The following TBC1D32 variants were observed in gnomAD, a reference collection of about 807,000 sequenced individuals.
The protein encoded by TBC1D32 is protein broad-minded.
Under a neutral mutation model 170.3 loss-of-function variants are expected in TBC1D32, and 151 were observed. That is an observed-to-expected ratio of 0.89 (90% CI 0.78 to 1.01). TBC1D32 has a LOEUF of 1.01. TBC1D32 is among the 50% of genes least tolerant of loss of function. The pLI, the probability that TBC1D32 is intolerant of heterozygous loss-of-function variation, is 0.00. For synonymous variants in TBC1D32, 498 were observed against 488.0 expected (o/e 1.02, Z -0.27); for missense variants, 1,464 against 1,457.1 (o/e 1.00, Z -0.08).
intron 31 of TBC1D32, among the ~76,000 whole-genome samples, chr6:121,084,863 T>C (rs896224009): frequency 6.6e-6 from 1 of 152,112 alleles, no homozygotes; most frequent in Non-Finnish European, 1.5e-5. Context: ...TTCTCTGATA[T>C]ATTCTTTCCC....
chr6:121,291,846 T>TA (rs552821046), intron 12 of TBC1D32, among the ~76,000 whole-genome samples: 3,486 of 150,312 alleles, frequency 0.023, 136 homozygotes, highest in East Asian at 0.12. Context: ...GAAGGAATAA[T>TA]AATAAAAAAA....
chr6:121,229,516 T>C (rs1369967152), intron 20 of TBC1D32, among the ~76,000 whole-genome samples: 1 of 152,124 alleles, frequency 6.6e-6, no homozygotes, highest in Non-Finnish European at 1.5e-5. Context: ...AACTGGCAGC[T>C]GAATCTAAAG....
At chr6:121,117,018 A>G (rs1779751143) in intron 26 of TBC1D32, among the ~76,000 whole-genome samples, 1 of 152,190 alleles carries the variant, frequency 6.6e-6, no homozygotes. Context: ...CCAGACTACT[A>G]AATAAGATTG....
Position 121,151,426 on chromosome 6 carries a change from T to C in TBC1D32, c.2773+8584A>G, listed in dbSNP as rs559660790. Among the ~76,000 whole-genome samples, 10 of 152,310 alleles carry C rather than the reference T, an allele frequency of 6.6e-5. No homozygotes were observed. In the East Asian group the frequency reaches 1.7e-3, roughly 26 times the overall value. Reference sequence around the variant, plus strand: ...GAGGAGTGTTTTACTTCTAATTATGTGGTTGATTTTAGAATAAGTGCTATG... The same window carrying C: ...GAGGAGTGTTTTACTTCTAATTATGCGGTTGATTTTAGAATAAGTGCTATG... On this transcript the variant is annotated intron_variant, in intron 24 of 31. Coordinates refer to ENST00000398212, the MANE Select transcript of TBC1D32 (RefSeq NM_152730.6).
chr6:121,134,019 C>T (rs1463409938), intron 24 of TBC1D32, among the ~76,000 whole-genome samples: 1 of 151,940 alleles, frequency 6.6e-6, no homozygotes, highest in African/African-American at 2.4e-5. Flanking sequence ...TTAAATGTAT[C>T]TTGACAAGAA....
At position 121,304,523 on chromosome 6, in the gene TBC1D32, T is replaced by A. The variant is rs1454189457; in HGVS notation, c.872A>T (p.Lys291Met). Reference protein sequence around the residue: ...TNPNMTRLLKKVRLLNEYQKE... With the variant: ...TNPNMTRLLKMVRLLNEYQKE... ...AAGCATATTGTAGTAAATGGATACC[T>A]TTTTAAGTAAGCGAGTCATATTAGG... The change falls in exon 7 of 32, where the codon AAG becomes ATG. Residue 291 changes from lysine (K) to methionine (M), a missense_variant and splice_region_variant. Coordinates refer to ENST00000398212, the MANE Select transcript of TBC1D32 (RefSeq NM_152730.6). The A allele has an allele frequency of 3.1e-6, 5 of 1,606,358 alleles. No homozygotes were observed. The highest frequency in any genetic ancestry group is 4.3e-6 in the Non-Finnish European group (5 of 1,175,362).
chr6:121,094,317 G>T (rs779904974), intron 30 of TBC1D32, among the ~76,000 whole-genome samples: 9 of 151,790 alleles, frequency 5.9e-5, no homozygotes, highest in Non-Finnish European at 1.3e-4. Flanking sequence ...ACAGGTGTGT[G>T]CCAAGACCCC....
chr6:121,241,130 G>A (rs1047637012), intron 19 of TBC1D32, among the ~76,000 whole-genome samples: 7 of 152,110 alleles, frequency 4.6e-5, no homozygotes, highest in African/African-American at 1.4e-4. Context: ...AGATGGGACT[G>A]TACTGAGAGA....
At chr6:121,290,344 T>C (rs1433986591) in intron 12 of TBC1D32, among the ~76,000 whole-genome samples, 1 of 152,028 alleles carries the variant, frequency 6.6e-6, no homozygotes, top group Non-Finnish European at 1.5e-5. Flanking sequence ...GCAAAGGATA[T>C]AAACAGACAC....
intron 22 of TBC1D32, among the ~76,000 whole-genome samples, chr6:121,197,159 A>G (rs1166054771): frequency 6.6e-6 from 1 of 152,160 alleles, no homozygotes; most frequent in Non-Finnish European, 1.5e-5. Flanking sequence ...TCAGTCTACT[A>G]CTCCATAATG....
chr6:121,121,525 T>C (rs1334351047), intron 26 of TBC1D32, among the ~76,000 whole-genome samples: 1 of 152,054 alleles, frequency 6.6e-6, no homozygotes, highest in Non-Finnish European at 1.5e-5. Context: ...AAGTATTGGA[T>C]ATTCATCCGT....
chr6:121,225,988 G>A (rs1031120614), intron 20 of TBC1D32, among the ~76,000 whole-genome samples: 1 of 152,058 alleles, frequency 6.6e-6, no homozygotes, highest in Admixed American at 6.6e-5. Context: ...GAGATTTTAT[G>A]CAATAATGAT....
chr6:121,195,168 G>A (rs1024106442), intron 22 of TBC1D32, among the ~76,000 whole-genome samples: 1 of 152,192 alleles, frequency 6.6e-6, no homozygotes, highest in African/African-American at 2.4e-5. Context: ...CCAGTTTTGA[G>A]TGGTGTCCAG....
At chr6:121,096,644 G>T (rs896507273) in intron 30 of TBC1D32, among the ~76,000 whole-genome samples, 4 of 152,034 alleles carry the variant, frequency 2.6e-5, no homozygotes, top group Non-Finnish European at 5.9e-5. Context: ...TAGATTCAAT[G>T]CTATTCCCAT....
intron 24 of TBC1D32, among the ~76,000 whole-genome samples, chr6:121,143,544 G>A (rs1435024950): frequency 6.6e-6 from 1 of 152,114 alleles, no homozygotes; most frequent in African/African-American, 2.4e-5. Flanking sequence ...GCACACAACC[G>A]AAGTGATTTT....
chr6:121,080,909 G>A lies in TBC1D32; in HGVS notation c.3655-19C>T, dbSNP rs1775572150. On this transcript the variant is annotated intron_variant, in intron 31 of 31. Transcript: ENST00000398212. ...CTTCTTCCTGCCAAAAATTACAAAG[G>A]GAAAATTATTTACTTGAGTAAGACA... The A allele has an allele frequency of 2.5e-6, 4 of 1,602,590 alleles. No homozygotes were observed. The highest frequency in any genetic ancestry group is 2.3e-5 in the South Asian group (2 of 88,668).
At chr6:121,297,699 A>T (rs113963592) in intron 10 of TBC1D32, among the ~76,000 whole-genome samples, 4 of 152,228 alleles carry the variant, frequency 2.6e-5, no homozygotes, top group African/African-American at 9.6e-5. Context: ...TAAACATAAG[A>T]TAGAATAGAA....
In TBC1D32 at chr6:121,113,206, C is replaced by T. The variant is rs1329502813; in HGVS notation, c.3054-29G>A. 7.7e-6 allele frequency: 11 copies of T among 1,436,312 alleles called. No homozygotes were observed. The Admixed American group carries it at 2.2e-4, about 28-fold the overall frequency. The allele number at this position is 1,436,312 out of a possible 1,614,324, so 89.0% of individuals were successfully genotyped here. On this transcript the variant is annotated intron_variant, in intron 27 of 31. Transcript: ENST00000398212. ...TATTAAAAGCCCACAAAACATAAAA[C>T]ATATCAGGTCTTGCATTGAATGTTT...
chr6:121,152,033 T>C (rs1400443599), intron 24 of TBC1D32, among the ~76,000 whole-genome samples: 1 of 152,178 alleles, frequency 6.6e-6, no homozygotes, highest in Non-Finnish European at 1.5e-5. Flanking sequence ...TGTGAATTTG[T>C]TTCTGTCATT....
Sources: gnomAD v4.1 joint callset for allele counts (sites outside exome capture counted in the v4.1 genomes callset) on GRCh38, gnomAD v4.1.1 for gene constraint, MANE v1.5 for transcripts, NCBI Gene and HGNC (gene_info 2026-07-23, HGNC 2026-07-21) for gene names.